Variants in PRR16 observed in about 807,000 individuals in gnomAD.
PRR16 encodes the protein proline rich 16, also known as protein Largen.
Under a neutral mutation model 18.2 loss-of-function variants are expected in PRR16, and 6 were observed. The observed-to-expected ratio is 0.33, with a 90% CI of 0.18 to 0.65. PRR16 has a LOEUF of 0.65. PRR16 is among the 30% of genes least tolerant of loss of function. PRR16 has a pLI of 0.74. For missense variants in PRR16, 412 were observed against 376.6 expected (o/e 1.09, Z -0.78); for synonymous variants, 151 against 147.8 (o/e 1.02, Z -0.16).
At chr5:120,631,808 C>T (rs1287310154) in intron 1 of PRR16, among the ~76,000 whole-genome samples, 1 of 152,130 alleles carries the variant, frequency 6.6e-6, no homozygotes, top group Non-Finnish European at 1.5e-5. Context: ...TATGGCCCCA[C>T]CCACCACCTG....
intron 1 of PRR16, among the ~76,000 whole-genome samples, chr5:120,659,933 G>C (rs1007560266): frequency 3.3e-5 from 5 of 152,008 alleles, no homozygotes; most frequent in African/African-American, 1.2e-4. Context: ...AAGTACCTGA[G>C]ATAATATGCA....
At chr5:120,540,645 AATTT>A (rs1751883824) in intron 1 of PRR16, among the ~76,000 whole-genome samples, 4 of 151,978 alleles carry the variant, frequency 2.6e-5, no homozygotes, top group Admixed American at 6.5e-5. Flanking sequence ...CCTTCAAGAC[AATTT>A]ATTTATGCCT....
intron 1 of PRR16, among the ~76,000 whole-genome samples, chr5:120,659,731 A>T (rs1756110589): frequency 6.6e-6 from 1 of 151,876 alleles, no homozygotes; most frequent in Non-Finnish European, 1.5e-5. Context: ...TGTCTCTTGT[A>T]TTTATACTTG....
chr5:120,753,526 A>G, the PRR16 span, among the ~76,000 whole-genome samples: 1 of 151,808 alleles, frequency 6.6e-6, no homozygotes, highest in Non-Finnish European at 1.5e-5. Flanking sequence ...AAGAATGGTG[A>G]GTGATCTATA....
At chr5:120,733,589 T>A in the PRR16 span, among the ~76,000 whole-genome samples, 20 of 152,264 alleles carry the variant, frequency 1.3e-4, no homozygotes, top group East Asian at 3.9e-3. Flanking sequence ...ATTCAGTAGC[T>A]CAAGAAGTTG....
chr5:120,710,184 G>A, the PRR16 span, among the ~76,000 whole-genome samples: 1 of 152,088 alleles, frequency 6.6e-6, no homozygotes, highest in African/African-American at 2.4e-5. Context: ...TGGATGAAAT[G>A]ATATATTTTT....
chr5:120,706,531 C>A, the PRR16 span, among the ~76,000 whole-genome samples: 1 of 152,136 alleles, frequency 6.6e-6, no homozygotes, highest in East Asian at 1.9e-4. Flanking sequence ...CACCACTATA[C>A]CTGATCTTTG....
the PRR16 span, among the ~76,000 whole-genome samples, chr5:120,763,680 C>T: frequency 1.3e-5 from 2 of 151,996 alleles, no homozygotes; most frequent in African/African-American, 4.8e-5. Context: ...TCTTCCAATC[C>T]ATGAGCATGG....
intron 1 of PRR16, among the ~76,000 whole-genome samples, chr5:120,665,959 G>A (rs369340518): frequency 0.061 from 9,223 of 151,332 alleles, 268 homozygotes; most frequent in South Asian, 0.082. Context: ...TTGGTTCCAT[G>A]TGAACTTTAA....
chr5:120,549,650 T>G (rs1208667548), intron 1 of PRR16, among the ~76,000 whole-genome samples: 1 of 152,028 alleles, frequency 6.6e-6, no homozygotes, highest in Non-Finnish European at 1.5e-5. Context: ...TAAACATGTC[T>G]TGGCTAAAGT....
At chr5:120,697,707 C>T in the PRR16 span, among the ~76,000 whole-genome samples, 1 of 151,818 alleles carries the variant, frequency 6.6e-6, no homozygotes, top group Non-Finnish European at 1.5e-5. Flanking sequence ...AGGAAAATTA[C>T]AGTCAAAGGG....
At chr5:120,673,156 A>T (rs1413314166) in intron 1 of PRR16, among the ~76,000 whole-genome samples, 4 of 152,272 alleles carry the variant, frequency 2.6e-5, no homozygotes, top group Non-Finnish European at 5.9e-5. Flanking sequence ...AGTAAATGTG[A>T]GAATTACATG....
At chr5:120,506,242 AG>A (rs1750642528) in intron 1 of PRR16, among the ~76,000 whole-genome samples, 1 of 152,074 alleles carries the variant, frequency 6.6e-6, no homozygotes, top group South Asian at 2.1e-4. Flanking sequence ...AGTAGGTTTT[AG>A]GTATTCTTTA....
chr5:120,542,495 C>G (rs1561538586), intron 1 of PRR16, among the ~76,000 whole-genome samples: 1 of 152,100 alleles, frequency 6.6e-6, no homozygotes, highest in African/African-American at 2.4e-5. Context: ...ATTAACAAAA[C>G]TCCAAACTCT....
chr5:120,786,834 G>C, the PRR16 span, among the ~76,000 whole-genome samples: 1 of 151,910 alleles, frequency 6.6e-6, no homozygotes, highest in Non-Finnish European at 1.5e-5. Flanking sequence ...TAATTAACTT[G>C]ACATTTAATG....
intron 1 of PRR16, among the ~76,000 whole-genome samples, chr5:120,591,612 A>G (rs1466980365): frequency 2.0e-5 from 3 of 151,976 alleles, no homozygotes; most frequent in Non-Finnish European, 4.4e-5. Flanking sequence ...TTGTGGTTTT[A>G]AGTAGAAACA....
chr5:120,635,593 A>T (rs141362461), intron 1 of PRR16, among the ~76,000 whole-genome samples: 1 of 152,180 alleles, frequency 6.6e-6, no homozygotes, highest in African/African-American at 2.4e-5. Flanking sequence ...AAATCTTAGC[A>T]AAATTGGCAC....
intron 1 of PRR16, among the ~76,000 whole-genome samples, chr5:120,505,085 A>C (rs901410357): frequency 7.2e-5 from 11 of 152,184 alleles, no homozygotes; most frequent in African/African-American, 2.4e-4. Flanking sequence ...ATACTAAAAA[A>C]GAATTTCATG....
chr5:120,581,514 C>G (rs986354597), intron 1 of PRR16, among the ~76,000 whole-genome samples: 2 of 149,182 alleles, frequency 1.3e-5, no homozygotes, highest in African/African-American at 4.9e-5. Flanking sequence ...GTGAATCTAT[C>G]TCCTTCAATT....
Sources: allele counts gnomAD v4.1 joint callset (sites outside exome capture counted in the v4.1 genomes callset), GRCh38; gene constraint gnomAD v4.1.1; transcripts MANE v1.5; gene names NCBI Gene and HGNC (gene_info 2026-07-23, HGNC 2026-07-21).